TNS3: variants seen among roughly 807,000 people sequenced by gnomAD.
TNS3 encodes the protein tensin-3.
In TNS3, 45 loss-of-function variants were observed where a neutral mutation model predicts 140.9. The ratio of observed to expected loss-of-function variants is 0.32; its 90% CI spans 0.25 to 0.41. TNS3 has a LOEUF of 0.41. TNS3 is among the 10% of genes least tolerant of loss of function. The probability of loss-of-function intolerance (pLI) is 1.00; values close to 1 mark genes in which losing one functional copy is unlikely to be tolerated. For synonymous variants in TNS3, 815 were observed against 788.4 expected (o/e 1.03, Z -0.56); for missense variants, 1,716 against 1,906.7 (o/e 0.90, Z 1.86).
chr7:47,564,650 CAA>C (rs397961987), intron 1 of TNS3, among the ~76,000 whole-genome samples: 3 of 99,110 alleles, frequency 3.0e-5, no homozygotes, highest in East Asian at 2.7e-4. Flanking sequence ...AAAAAAAAAA[CAA>C]AAAAAAACAA....
intron 1 of TNS3, among the ~76,000 whole-genome samples, chr7:47,552,077 G>T (rs189979951): frequency 1.3e-4 from 19 of 149,658 alleles, no homozygotes; most frequent in Admixed American, 3.3e-4. Context: ...ACCTCCCCAC[G>T]CCCATCACAT....
intron 10 of TNS3, among the ~76,000 whole-genome samples, chr7:47,417,868 C>A (rs865603): frequency 0.91 from 138,538 of 152,290 alleles, 63,508 homozygotes; most frequent in Non-Finnish European, 0.96. Flanking sequence ...TTCACTGCAA[C>A]TATAAGCTGT....
chr7:47,489,308 G>A (rs565703035), intron 3 of TNS3, among the ~76,000 whole-genome samples: 1 of 152,140 alleles, frequency 6.6e-6, no homozygotes, highest in South Asian at 2.1e-4. Context: ...TCATGTCTGT[G>A]GCACAGTAAA....
Position 47,439,701 on chromosome 7 carries a change from C to T in TNS3, c.-22-43G>A, listed in dbSNP as rs542816655. 35 of 1,597,646 alleles carry T rather than the reference C, an allele frequency of 2.2e-5. No individual in the cohort carries two copies. In the South Asian group the frequency reaches 3.0e-4, roughly 14 times the overall value. ...GCAGATCAGAAACAGGGTAAGGAGG[C>T]AGCAGACATTCATCCTCTAGGAAAA... On this transcript the variant is annotated intron_variant, in intron 5 of 30. Transcript: ENST00000311160.
At chr7:47,415,312 G>A in intron 10 of TNS3, 106 bp from the exon 11 acceptor site, 1 of 748,346 alleles carries the variant, frequency 1.3e-6, no homozygotes, top group Non-Finnish European at 2.2e-6. Context: ...GGCTCTGGGA[G>A]AGAATCGGTC....
chr7:47,303,126 C>A lies in TNS3; in HGVS notation c.3281G>T (p.Gly1094Val). 1 of 1,613,970 alleles carries A rather than the reference C, an allele frequency of 6.2e-7. No homozygotes were observed. The highest frequency in any genetic ancestry group is 8.5e-7 in the Non-Finnish European group (1 of 1,179,920). The change falls in exon 22 of 31, where the codon GGG becomes GTG. Residue 1094 changes from glycine to valine, a missense_variant. Transcript: ENST00000311160. Reference protein sequence around the residue: ...GLQGQGVTLPGQPPLPEKKRA... With the variant: ...GLQGQGVTLPVQPPLPEKKRA... ...CTTCTTCTCAGGGAGGGGTGGCTGC[C>A]CGGGCAGGGTCACACCCTGGCCCTG...
At chr7:47,318,180 G>T (rs920877201) in intron 20 of TNS3, among the ~76,000 whole-genome samples, 1 of 152,190 alleles carries the variant, frequency 6.6e-6, no homozygotes, top group Non-Finnish European at 1.5e-5. Flanking sequence ...GAATCATACA[G>T]AATTTGTCTT....
chr7:47,424,283 G>A, intron 9 of TNS3, 99 bp from the exon 10 acceptor site: 1 of 1,157,652 alleles, frequency 8.6e-7, no homozygotes, highest in Non-Finnish European at 1.2e-6. Flanking sequence ...AAAGCGACCA[G>A]CTCCCACAAG....
chr7:47,545,131 G>A (rs1469191498), intron 1 of TNS3, among the ~76,000 whole-genome samples: 1 of 141,334 alleles, frequency 7.1e-6, no homozygotes, highest in Non-Finnish European at 1.5e-5. Flanking sequence ...ATTGAGATGC[G>A]TAAGAGGGCA....
chr7:47,385,113 C>T (rs145601815), intron 16 of TNS3, among the ~76,000 whole-genome samples: 118 of 152,306 alleles, frequency 7.7e-4, no homozygotes, highest in African/African-American at 2.5e-3. Flanking sequence ...CTGCTCTCTA[C>T]CCTTCTCTGC....
intron 4 of TNS3, among the ~76,000 whole-genome samples, chr7:47,445,562 G>C (rs1327930891): frequency 6.6e-6 from 1 of 152,128 alleles, no homozygotes; most frequent in African/African-American, 2.4e-5. Context: ...CTCTTGCTTG[G>C]GGGAGCTGTT....
intron 4 of TNS3, among the ~76,000 whole-genome samples, chr7:47,452,022 A>T (rs1263126047): frequency 6.6e-6 from 1 of 152,170 alleles, no homozygotes; most frequent in African/African-American, 2.4e-5. Context: ...GAAAAGGGAG[A>T]CAGAAACAGC....
At chr7:47,414,948 G>A (rs866498249) in intron 11 of TNS3, 146 bp downstream of exon 11, 8 of 633,042 alleles carry the variant, frequency 1.3e-5, no homozygotes, top group Non-Finnish European at 2.2e-5. Context: ...ACTGAAGGGG[G>A]ACCCAGTCAA....
intron 1 of TNS3, among the ~76,000 whole-genome samples, chr7:47,557,452 G>T (rs1387867564): frequency 6.6e-6 from 1 of 152,136 alleles, no homozygotes; most frequent in African/African-American, 2.4e-5. Flanking sequence ...TACAGGAAAG[G>T]AAGAGTCACA....
chr7:47,468,163 A>C (rs767179737), intron 4 of TNS3, among the ~76,000 whole-genome samples: 10 of 152,144 alleles, frequency 6.6e-5, no homozygotes, highest in Non-Finnish European at 1.0e-4. Flanking sequence ...TACAAAAATT[A>C]GGCCGGGCAC....
intron 3 of TNS3, among the ~76,000 whole-genome samples, chr7:47,502,244 T>C (rs528444011): frequency 6.6e-6 from 1 of 152,286 alleles, no homozygotes; most frequent in Non-Finnish European, 1.5e-5. Context: ...GGTCAATCCC[T>C]GGGACCCAGC....
chr7:47,423,164 G>C (rs1388979733), intron 10 of TNS3, among the ~76,000 whole-genome samples: 1 of 152,178 alleles, frequency 6.6e-6, no homozygotes, highest in Non-Finnish European at 1.5e-5. Context: ...TAGATACAAG[G>C]CATCAAAACT....
intron 1 of TNS3, among the ~76,000 whole-genome samples, chr7:47,564,148 C>G (rs907810773): frequency 7.4e-6 from 1 of 134,454 alleles, no homozygotes. Context: ...GAGCCGAGAT[C>G]ACACCACTGC....
intron 4 of TNS3, among the ~76,000 whole-genome samples, chr7:47,448,242 G>A (rs1450069028): frequency 2.0e-5 from 3 of 152,332 alleles, no homozygotes; most frequent in East Asian, 3.9e-4. Flanking sequence ...TGCAGAGGGG[G>A]AGCACAGGGA....
Sources: allele counts gnomAD v4.1 joint callset (sites outside exome capture counted in the v4.1 genomes callset), GRCh38; gene constraint gnomAD v4.1.1; transcripts MANE v1.5; gene names NCBI Gene and HGNC (gene_info 2026-07-23, HGNC 2026-07-21).